Variants in SPTBN2 observed in about 807,000 individuals in gnomAD.
SPTBN2 encodes spectrin beta chain, non-erythrocytic 2.
A neutral mutation model predicts 284.2 loss-of-function variants in SPTBN2; 107 were observed. The observed-to-expected ratio is 0.38, with a 90% confidence interval of 0.32 to 0.44. SPTBN2 has a LOEUF of 0.44. Among genes scored for constraint, SPTBN2 ranks in the 20% least tolerant of loss-of-function variants. SPTBN2 has a pLI of 1.00. For synonymous variants in SPTBN2, 1,289 were observed against 1,354.8 expected (o/e 0.95, Z 1.07); for missense variants, 2,569 against 3,287.1 (o/e 0.78, Z 5.34).
Position 66,689,193 on chromosome 11 carries a change from G to C in SPTBN2, c.5950-13C>G. 6.3e-7 allele frequency: 1 copy of C among 1,597,612 alleles called. No individual in the cohort carries two copies. The highest frequency in any genetic ancestry group is 8.5e-7 in the Non-Finnish European group (1 of 1,170,736). ...GCTTCTCTGAGATCTGGGGGCGGGG[G>C]GCAGAGATATGAGTTAGCACCAGGA... On this transcript the variant is annotated splice_polypyrimidine_tract_variant and intron_variant, in intron 29 of 37. Transcript: ENST00000533211.
At chr11:66,728,064 A>C (rs1942692227) in intron 1 of SPTBN2, 2 of 142,958 alleles carry the variant, frequency 1.4e-5, no homozygotes, top group East Asian at 2.2e-4. Context: ...CCGGGACCCG[A>C]CCCCGACCCC....
Position 66,694,156 on chromosome 11 carries a change from C to G in SPTBN2, c.4486G>C (p.Asp1496His), listed in dbSNP as rs749661458. Residue 1496 changes from aspartate to histidine, a missense_variant, in exon 22 of 38, where the codon GAT becomes CAT. Around this residue, in one of 6 missense-constraint regions of SPTBN2, gnomAD observed 1,130 missense variants for 1,317.3 expected, o/e 0.86. Transcript: ENST00000533211. ...ASREQHQFHR[D>H]VEDEILWVTE... ...TGACTCACAATCTCATCTTCCACAT[C>G]GCGGTGGAACTGGTGCTGCTCGCGA... The G allele has an allele frequency of 1.2e-6, 2 of 1,608,520 alleles. No homozygotes were observed. The highest frequency in any genetic ancestry group is 1.3e-5 in the African/African-American group (1 of 75,044).
chr11:66,705,549 C>T, intron 14 of SPTBN2, 81 bp from the exon 15 acceptor site: 1 of 1,606,602 alleles, frequency 6.2e-7, no homozygotes. Flanking sequence ...TTGGACTTCC[C>T]TCCCTGGCTT....
rs945319582 is a variant in SPTBN2 at position 66,710,454 on chromosome 11, C to T, written c.1073+128G>A. On this transcript the variant is annotated intron_variant, in intron 10 of 37. Transcript: ENST00000533211. This position sits in a 1 kb window ranked among gnomAD's most constrained non-coding sequence, Gnocchi z 4.9. ...TTGTATCAACTATGTTGTTTGGATG[C>T]TTCTGGTGTGGGAAATCTCCACTGC... 5.4e-6 allele frequency: 5 copies of T among 928,950 alleles called. No homozygotes were observed. The African/African-American group carries it at 8.2e-5, about 15-fold the overall frequency. 57.5% of individuals were successfully genotyped at this position (928,950 alleles called of 1,614,324 possible). A position where few individuals can be genotyped will look rare whatever the true frequency, so the allele number is the denominator to read the frequency against.
At chr11:66,727,005 G>A (rs1705468275) in intron 1 of SPTBN2, among the ~76,000 whole-genome samples, 1 of 152,172 alleles carries the variant, frequency 6.6e-6, no homozygotes, top group Admixed American at 6.5e-5. Flanking sequence ...GTTAGGAACT[G>A]GGCTGAAGAG....
chr11:66,732,543 G>C (rs1004760907), upstream of SPTBN2, among the ~76,000 whole-genome samples: 5 of 151,378 alleles, frequency 3.3e-5, no homozygotes, highest in Non-Finnish European at 4.4e-5. Context: ...CCAGCTACTC[G>C]GGAGGCTGAG....
Position 66,687,464 on chromosome 11 carries a change from G to C in SPTBN2, c.6685C>G (p.Gln2229Glu). 6.2e-7 allele frequency: 1 copy of C among 1,609,392 alleles called. No individual in the cohort carries two copies. Among genetic ancestry groups the C allele is most frequent in the Non-Finnish European group, 8.5e-7 (1 of 1,179,964 alleles). ...EQMEGMLCRK[Q>E]EMEAFGKKAA... is the part of the protein sequence containing the mutation. Reference sequence around the variant, plus strand: ...TTCTTCCCGAAGGCCTCCATCTCCTGCTTGCGGCACAGCATCCCCTCCATC... The same window carrying C: ...TTCTTCCCGAAGGCCTCCATCTCCTCCTTGCGGCACAGCATCCCCTCCATC... Residue 2229 changes from glutamine (Q) to glutamate (E), a missense_variant, in exon 35 of 38, where the codon CAG (glutamine) becomes GAG (glutamate). Gln to Glu is a conservative substitution (Grantham distance 29). Transcript: ENST00000533211. This position sits in a 1 kb window ranked among gnomAD's most constrained non-coding sequence, Gnocchi z 5.2.
intron 15 of SPTBN2, 124 bp downstream of exon 15, chr11:66,704,474 A>G (rs984762503): frequency 2.5e-6 from 3 of 1,184,524 alleles, no homozygotes; most frequent in Non-Finnish European, 3.5e-6. Flanking sequence ...AAAACTAGAA[A>G]TGGACAACCA....
At position 66,704,893 on chromosome 11, in the gene SPTBN2, C is replaced by T. The variant is rs1387465998; in HGVS notation, c.2383G>A (p.Glu795Lys). ...AGGGTTGGCCGGTGGCTTCGAATCTCCTCCTCCAGGGCCCGATGCTGCCTG... is the reference window on the plus strand; with the variant it reads ...AGGGTTGGCCGGTGGCTTCGAATCTTCTCCTCCAGGGCCCGATGCTGCCTG... ...LARQHRALEEEIRSHRPTLDA... is the reference protein window; with the variant it reads ...LARQHRALEEKIRSHRPTLDA... The change falls in exon 15 of 38, where the codon GAG (glutamate) becomes AAG (lysine). Residue 795 changes from glutamate to lysine, a missense_variant. By Grantham distance (56) the Glu-to-Lys change is moderately conservative. Around this residue, in one of 6 missense-constraint regions of SPTBN2, gnomAD observed 1,012 missense variants for 1,248.9 expected, o/e 0.81. Coordinates refer to ENST00000533211, the MANE Select transcript of SPTBN2 (RefSeq NM_006946.4). 9.9e-6 allele frequency: 16 copies of T among 1,611,496 alleles called. No homozygotes were observed. The highest frequency in any genetic ancestry group is 1.3e-5 in the African/African-American group (1 of 74,936).
At chr11:66,740,058 A>G (rs1942885761) in intron 1 of SPTBN2, among the ~76,000 whole-genome samples, 1 of 152,190 alleles carries the variant, frequency 6.6e-6, no homozygotes, top group African/African-American at 2.4e-5. Context: ...ACAGGGCAGA[A>G]CCACTTTGTG....
At chr11:66,722,793 T>C (rs1303213267) in intron 1 of SPTBN2, among the ~76,000 whole-genome samples, 1 of 146,674 alleles carries the variant, frequency 6.8e-6, no homozygotes, top group Non-Finnish European at 1.5e-5. Flanking sequence ...CCGGGGAGGC[T>C]GAGACAGGAG....
chr11:66,686,122 C>G lies in SPTBN2; in HGVS notation c.6940-18G>C. On this transcript the variant is annotated intron_variant, in intron 37 of 37. Transcript: ENST00000533211. ...ATCTCTGCCTGTGGATGGAAAGACC[C>G]TCAATCAGCTTCAAGGACACTGTGC... 1 of 1,606,342 alleles carries G rather than the reference C, an allele frequency of 6.2e-7. No homozygotes were observed. Among genetic ancestry groups the G allele is most frequent in the South Asian group, 1.1e-5 (1 of 90,346 alleles).
In SPTBN2 at chr11:66,684,746, T is replaced by C. The variant is rs1259434114; in HGVS notation, c.*1125A>G. ...AGTGACTTCATTCTGTTGATCAGTT[T>C]ATTGGAACCTGCCACTTCTCAGATC... On this transcript the variant is annotated 3_prime_UTR_variant, in exon 38 of 38. Transcript: ENST00000533211. Among the ~76,000 whole-genome samples the C allele has an allele frequency of 6.6e-6, 1 of 152,126 alleles. No individual in the cohort carries two copies. The highest frequency in any genetic ancestry group is 2.4e-5 in the African/African-American group (1 of 41,412).
intron 20 of SPTBN2, 107 bp downstream of exon 20, chr11:66,698,532 C>T: frequency 6.5e-7 from 1 of 1,545,622 alleles, no homozygotes; most frequent in Non-Finnish European, 8.9e-7. Context: ...GCTGTGGCAC[C>T]AGAACCCCAC....
At chr11:66,727,058 T>C (rs1942642798) in intron 1 of SPTBN2, among the ~76,000 whole-genome samples, 1 of 152,210 alleles carries the variant, frequency 6.6e-6, no homozygotes, top group African/African-American at 2.4e-5. Context: ...CCTCCAGTTA[T>C]GGCAGATTTA....
chr11:66,686,722 C>T (rs1940139445), intron 36 of SPTBN2: 3 of 633,786 alleles, frequency 4.7e-6, no homozygotes, highest in African/African-American at 3.7e-5. Flanking sequence ...TGGAGGTCTT[C>T]CCAGATCCCT....
At position 66,708,019 on chromosome 11, in the gene SPTBN2, C is replaced by T. The variant is rs1388790811; in HGVS notation, c.1350+122G>A. On this transcript the variant is annotated intron_variant, in intron 12 of 37. Transcript: ENST00000533211. This position sits in a 1 kb window ranked among gnomAD's most constrained non-coding sequence, Gnocchi z 4.4. ...GGCCCCTGGCTCCCGGACCTCTAGGCCTTTTTACCCAGGTGACGGATTTTG... is the reference window on the plus strand; with the variant it reads ...GGCCCCTGGCTCCCGGACCTCTAGGTCTTTTTACCCAGGTGACGGATTTTG... The T allele has an allele frequency of 2.5e-5, 38 of 1,526,784 alleles. 1 individual carries two copies. The Middle Eastern group carries it at 6.8e-4, about 27-fold the overall frequency. The allele number at this position is 1,526,784 out of a possible 1,614,324, so 94.6% of individuals were successfully genotyped here.
rs747075526 is a variant in SPTBN2 at position 66,700,850 on chromosome 11, G to A, written c.3249C>T (p.Arg1083=). 6.2e-7 allele frequency: 1 copy of A among 1,600,128 alleles called. No individual in the cohort carries two copies. The highest frequency in any genetic ancestry group is 1.1e-5 in the South Asian group (1 of 91,082). ...CTTCAGAGGCCACAGCAGTCTGAGTGCGGCCTAGCCAGGCCTGGAAGTCAT... is the reference window on the plus strand; with the variant it reads ...CTTCAGAGGCCACAGCAGTCTGAGTACGGCCTAGCCAGGCCTGGAAGTCAT... ...SLDDFQAWLG[R]TQTAVASEEG... Residue 1083 remains arginine (R), a synonymous_variant, in exon 17 of 38, where the codon CGC becomes CGT. Transcript: ENST00000533211. This position sits in a 1 kb window ranked among gnomAD's most constrained non-coding sequence, Gnocchi z 6.6.
Position 66,686,976 on chromosome 11 carries a change from A to T in SPTBN2, c.6896+18T>A, listed in dbSNP as rs1206703492. Reference sequence around the variant, plus strand: ...CCAACTCTCCTCCCATCCCGAGAGCACTGTTCCCTGTTCCTACCCCAGCTT... The same window carrying T: ...CCAACTCTCCTCCCATCCCGAGAGCTCTGTTCCCTGTTCCTACCCCAGCTT... On this transcript the variant is annotated intron_variant, in intron 36 of 37. Transcript: ENST00000533211. The T allele has an allele frequency of 2.5e-6, 4 of 1,613,342 alleles. No individual in the cohort carries two copies. The highest frequency in any genetic ancestry group is 3.4e-6 in the Non-Finnish European group (4 of 1,179,982).
Sources: gnomAD v4.1 joint callset for allele counts (sites outside exome capture counted in the v4.1 genomes callset) on GRCh38, gnomAD v4.1.1 for gene constraint, gnomAD v4.1.1 regional missense constraint, Gnocchi (gnomAD v3.1) non-coding constraint, MANE v1.5 for transcripts, NCBI Gene and HGNC (gene_info 2026-07-23, HGNC 2026-07-21) for gene names.